The following PDE4D variants were observed in gnomAD, a reference collection of about 807,000 sequenced individuals.
PDE4D encodes the protein 3',5'-cyclic-AMP phosphodiesterase 4D.
PDE4D carries 24 observed loss-of-function variants against 87.4 expected under a neutral mutation model. That is an observed-to-expected ratio of 0.27 (90% CI 0.20 to 0.39). The LOEUF is 0.39. PDE4D is among the 10% of genes least tolerant of loss of function. The pLI is 1.00. For missense variants in PDE4D, 714 were observed against 1,041.0 expected, an observed-to-expected ratio of 0.69 and a Z score of 4.32; for synonymous variants, 384 against 383.2, an observed-to-expected ratio of 1.00 and a Z score of -0.02.
chr5:59,336,883 CAT>C (rs1367500122), intron 1 of PDE4D, among the ~76,000 whole-genome samples: 1 of 152,210 alleles, frequency 6.6e-6, no homozygotes, highest in Non-Finnish European at 1.5e-5. Context: ...TGACACAAGA[CAT>C]AGCCCTGTTA....
chr5:59,572,276 A>G (rs932377112), intron 1 of PDE4D, among the ~76,000 whole-genome samples: 12 of 152,224 alleles, frequency 7.9e-5, no homozygotes, highest in African/African-American at 2.7e-4. Flanking sequence ...ATAATGGGCT[A>G]TAAGTTGGGT....
intron 1 of PDE4D, among the ~76,000 whole-genome samples, chr5:59,466,459 A>G (rs2153649159): frequency 6.6e-6 from 1 of 152,206 alleles, no homozygotes. Flanking sequence ...ACTTTTGCCC[A>G]TTTGCAGAGA....
intron 1 of PDE4D, among the ~76,000 whole-genome samples, chr5:59,308,320 TATAATA>T (rs1771844268): frequency 6.6e-6 from 1 of 151,690 alleles, no homozygotes; most frequent in African/African-American, 2.4e-5. Context: ...AAACTTAAAG[TATAATA>T]ATAATAATTT....
chr5:60,098,599 A>G (rs1720169757), intron 2 of PDE4D, among the ~76,000 whole-genome samples: 1 of 152,004 alleles, frequency 6.6e-6, no homozygotes, highest in South Asian at 2.1e-4. Context: ...ATGTACAGAA[A>G]TGCAACTGGA....
At chr5:59,153,840 A>T (rs960894774) in intron 5 of PDE4D, among the ~76,000 whole-genome samples, 5 of 151,800 alleles carry the variant, frequency 3.3e-5, no homozygotes, top group Non-Finnish European at 5.9e-5. Context: ...TGCTAGAGGT[A>T]GGTTTGGGAG....
chr5:59,125,199 T>C, intron 5 of PDE4D: 1 of 713,570 alleles, frequency 1.4e-6, no homozygotes, highest in Non-Finnish European at 1.7e-6. Context: ...TAAGCTAGAG[T>C]TAGACTGGTG....
intron 5 of PDE4D, among the ~76,000 whole-genome samples, chr5:59,091,372 A>T (rs1768701923): frequency 6.6e-6 from 1 of 151,240 alleles, no homozygotes; most frequent in East Asian, 1.9e-4. Context: ...TCCAAACTGG[A>T]TATGTTCAAC....
At chr5:59,503,851 G>A (rs1808761559) in intron 1 of PDE4D, among the ~76,000 whole-genome samples, 1 of 152,108 alleles carries the variant, frequency 6.6e-6, no homozygotes, top group South Asian at 2.1e-4. Flanking sequence ...AGGTTCTTAG[G>A]TGTAAAGGAA....
intron 1 of PDE4D, among the ~76,000 whole-genome samples, chr5:60,262,774 A>C (rs1749785390): frequency 6.6e-6 from 1 of 152,166 alleles, no homozygotes; most frequent in Non-Finnish European, 1.5e-5. Context: ...GCACAACCTC[A>C]GCGAGGGTTC....
intron 1 of PDE4D, among the ~76,000 whole-genome samples, chr5:60,401,607 T>C (rs1741096131): frequency 6.6e-6 from 1 of 152,194 alleles, no homozygotes; most frequent in East Asian, 1.9e-4. Context: ...TCCGCACCAA[T>C]GTTGATCAGC....
At chr5:59,225,690 A>C (rs184523648) in intron 1 of PDE4D, among the ~76,000 whole-genome samples, 1 of 152,250 alleles carries the variant, frequency 6.6e-6, no homozygotes, top group Admixed American at 6.5e-5. Context: ...CAAGGGAGAA[A>C]ACACAGTGAA....
intron 1 of PDE4D, among the ~76,000 whole-genome samples, chr5:60,459,415 A>T (rs928954164): frequency 2.0e-5 from 3 of 152,124 alleles, no homozygotes; most frequent in Non-Finnish European, 4.4e-5. Flanking sequence ...AACAAGAGAA[A>T]ATAGACAGAT....
intron 2 of PDE4D, among the ~76,000 whole-genome samples, chr5:60,061,293 A>C (rs1771378311): frequency 6.6e-6 from 1 of 152,104 alleles, no homozygotes; most frequent in Non-Finnish European, 1.5e-5. Context: ...AACAATAGAC[A>C]AGCAGAGAGC....
intron 1 of PDE4D, among the ~76,000 whole-genome samples, chr5:59,350,069 G>A (rs928834419): frequency 3.3e-5 from 5 of 152,096 alleles, no homozygotes; most frequent in Non-Finnish European, 5.9e-5. Flanking sequence ...TTACAAAGTG[G>A]TACTTCCTTA....
chr5:59,224,694 G>C (rs1305772787), intron 1 of PDE4D, among the ~76,000 whole-genome samples: 1 of 152,138 alleles, frequency 6.6e-6, no homozygotes, highest in Non-Finnish European at 1.5e-5. Flanking sequence ...GTTTCCCCTA[G>C]AATTCATATG....
intron 1 of PDE4D, among the ~76,000 whole-genome samples, chr5:59,780,090 G>A (rs113513607): frequency 0.011 from 1,718 of 152,176 alleles, 10 homozygotes; most frequent in Non-Finnish European, 0.02. Flanking sequence ...TGAGCCGGGC[G>A]CGGTGGCTCA....
intron 1 of PDE4D, among the ~76,000 whole-genome samples, chr5:59,668,905 A>AGAG (rs1428056823): frequency 1.3e-5 from 1 of 75,220 alleles, no homozygotes; most frequent in East Asian, 2.1e-3. Context: ...AAGAAGAAGA[A>AGAG]GAAGAAGAAG....
intron 5 of PDE4D, among the ~76,000 whole-genome samples, chr5:59,064,753 C>A (rs1763632771): frequency 6.6e-6 from 1 of 152,074 alleles, no homozygotes; most frequent in Non-Finnish European, 1.5e-5. Flanking sequence ...ATGCATCCAT[C>A]AGTAATAATC....
chr5:60,402,481 G>A (rs536502189), intron 1 of PDE4D, among the ~76,000 whole-genome samples: 15 of 152,306 alleles, frequency 9.8e-5, no homozygotes, highest in East Asian at 3.9e-4. Flanking sequence ...CCCTTGTTCC[G>A]TGGGACACCT....
Sources: gnomAD v4.1 joint callset for allele counts (sites outside exome capture counted in the v4.1 genomes callset) on GRCh38, gnomAD v4.1.1 for gene constraint, MANE v1.5 for transcripts, NCBI Gene and HGNC (gene_info 2026-07-23, HGNC 2026-07-21) for gene names.